BPTF: variants seen among roughly 807,000 people sequenced by gnomAD.
The protein encoded by BPTF is nucleosome-remodeling factor subunit BPTF.
BPTF carries 18 observed loss-of-function variants against 292.5 expected under a neutral mutation model. That is an observed-to-expected ratio of 0.06 (90% CI 0.04 to 0.09). The LOEUF (loss-of-function observed/expected upper bound fraction) is 0.09, where lower values mean the gene tolerates loss of function less well. BPTF is among the 10% of genes least tolerant of loss of function. BPTF has a pLI of 1.00. For synonymous variants in BPTF, 1,225 were observed against 1,251.9 expected (o/e 0.98, Z 0.45); for missense variants, 2,726 against 3,498.7 (o/e 0.78, Z 5.57).
intron 1 of BPTF, among the ~76,000 whole-genome samples, chr17:67,841,270 G>T (rs191254292): frequency 2.7e-4 from 41 of 152,026 alleles, no homozygotes; most frequent in African/African-American, 9.6e-4. Context: ...TTAGCCGGTC[G>T]TGGTGGCACA....
intron 8 of BPTF, among the ~76,000 whole-genome samples, chr17:67,904,209 A>G (rs2062030205): frequency 6.6e-6 from 1 of 151,558 alleles, no homozygotes; most frequent in Non-Finnish European, 1.5e-5. Context: ...TTGTATTTTT[A>G]GTAGAGATGG....
chr17:67,942,512 C>T (rs921521108), intron 19 of BPTF, among the ~76,000 whole-genome samples: 3 of 152,176 alleles, frequency 2.0e-5, no homozygotes, highest in African/African-American at 7.2e-5. Context: ...AAAGAATTCT[C>T]ATGCACAGCT....
At chr17:67,972,553 C>T (rs557257375) in intron 26 of BPTF, among the ~76,000 whole-genome samples, 1 of 152,100 alleles carries the variant, frequency 6.6e-6, no homozygotes, top group East Asian at 1.9e-4. Context: ...TATTTAAGGG[C>T]TATTTATATA....
In BPTF at chr17:67,912,395, T is replaced by C. The variant is rs2062713719; in HGVS notation, c.4511T>C (p.Leu1504Pro). Residue 1504 changes from leucine to proline, a missense_variant, in exon 11 of 28, where the codon CTG becomes CCG. Physicochemically the swap from Leu to Pro is moderately conservative, Grantham distance 98 (BLOSUM62 -3). Around this residue, in one of 22 missense-constraint regions of BPTF, gnomAD observed 713 missense variants for 714.9 expected, o/e 1.00. Coordinates refer to ENST00000306378, the MANE Select transcript of BPTF (RefSeq NM_182641.4). ...EGNYRDSLETLPSTKESDSTQ... is the reference protein window; with the variant it reads ...EGNYRDSLETPPSTKESDSTQ... ...AACTACCGAGATAGCCTTGAGACCC[T>C]GCCATCAACCAAAGAGTCTGACAGT... The C allele has an allele frequency of 6.2e-7, 1 of 1,613,842 alleles. No individual in the cohort carries two copies. The highest frequency in any genetic ancestry group is 1.7e-5 in the Admixed American group (1 of 59,966).
At chr17:67,898,647 C>T (rs1209986901) in intron 7 of BPTF, among the ~76,000 whole-genome samples, 1 of 147,442 alleles carries the variant, frequency 6.8e-6, no homozygotes, top group Non-Finnish European at 1.5e-5. Flanking sequence ...TAGATAAATA[C>T]GAGTATATGA....
At chr17:67,914,152 C>T (rs1303231940) in intron 11 of BPTF, among the ~76,000 whole-genome samples, 1 of 152,090 alleles carries the variant, frequency 6.6e-6, no homozygotes, top group Non-Finnish European at 1.5e-5. Flanking sequence ...GTTACTGAGC[C>T]GTTTTCATTT....
intron 4 of BPTF, chr17:67,875,846 A>G: frequency 9.8e-7 from 1 of 1,023,908 alleles, no homozygotes. Flanking sequence ...GTGTTCATTC[A>G]TGCTGCTTGC....
chr17:67,891,841 CAGT>C lies in BPTF; in HGVS notation c.1865_1867del (p.Val622del), dbSNP rs775405613. 1 of 1,579,032 alleles carries C rather than the reference CAGT, an allele frequency of 6.3e-7. No individual in the cohort carries two copies. The highest frequency in any genetic ancestry group is 8.6e-7 in the Non-Finnish European group (1 of 1,163,118). ...ATTGCTTTGTGGCCTATTCATTTGACAGTAGGTGATTTCAAATCGGAGAAGTCC... is the reference window on the plus strand; with the variant it reads ...ATTGCTTTGTGGCCTATTCATTTGACAGGTGATTTCAAATCGGAGAAGTCC... On this transcript the variant is annotated splice_acceptor_variant and coding_sequence_variant, in exon 5 of 28. Transcript: ENST00000306378. LOFTEE classifies it high-confidence loss of function.
intron 2 of BPTF, among the ~76,000 whole-genome samples, chr17:67,861,948 TA>T (rs1567923745): frequency 6.6e-6 from 1 of 152,254 alleles, no homozygotes; most frequent in East Asian, 1.9e-4. Context: ...TACTACTTTT[TA>T]AAACACCCAT....
intron 27 of BPTF, 143 bp downstream of exon 27, chr17:67,976,101 A>G (rs2069377271): frequency 1.1e-5 from 7 of 619,262 alleles, no homozygotes; most frequent in African/African-American, 1.9e-5. Context: ...TCAAGACTCC[A>G]GGGTTATGAT....
At position 67,854,660 on chromosome 17, in the gene BPTF, G is replaced by C. The variant is rs1283931315; in HGVS notation, c.1334G>C (p.Cys445Ser). ...CACAAGGTGCCTGGTGTGACTGACT[G>C]TGTTGCTGAAATCCAAAAAAATAAA... The part of the protein sequence containing the change: ...VAHKVPGVTD[C>S]VAEIQKNKPY... The change falls in exon 2 of 28, where the codon TGT becomes TCT. Residue 445 changes from cysteine to serine, a missense_variant. By Grantham distance (112) the Cys-to-Ser change is moderately radical. Around this residue, in one of 22 missense-constraint regions of BPTF, gnomAD observed 22 missense variants for 97.3 expected, o/e 0.23. Transcript: ENST00000306378. This position sits in a 1 kb window ranked among gnomAD's most constrained non-coding sequence, Gnocchi z 5.6. 1 of 1,614,224 alleles carries C rather than the reference G, an allele frequency of 6.2e-7. No individual in the cohort carries two copies. The highest frequency in any genetic ancestry group is 8.5e-7 in the Non-Finnish European group (1 of 1,180,040).
At chr17:67,867,107 G>A (rs1466981867) in intron 3 of BPTF, among the ~76,000 whole-genome samples, 1 of 152,210 alleles carries the variant, frequency 6.6e-6, no homozygotes, top group Non-Finnish European at 1.5e-5. Context: ...ATGACTGTGT[G>A]TATATTTTAC....
intron 5 of BPTF, 21 bp from the exon 6 acceptor site, chr17:67,893,349 T>G (rs373636454): frequency 2.1e-6 from 3 of 1,429,394 alleles, no homozygotes; most frequent in Non-Finnish European, 3.0e-6. Flanking sequence ...AATAATGCAG[T>G]CTTTTTATTT....
intron 23 of BPTF, among the ~76,000 whole-genome samples, chr17:67,953,313 A>G (rs1169115833): frequency 7.0e-6 from 1 of 143,130 alleles, no homozygotes; most frequent in South Asian, 2.2e-4. Flanking sequence ...CTGGACTGCA[A>G]TGGCGCGATC....
chr17:67,928,341 C>T lies in BPTF; in HGVS notation c.5752-14C>T, dbSNP rs1157948879. 5 of 1,587,434 alleles carry T rather than the reference C, an allele frequency of 3.1e-6. No individual in the cohort carries two copies. The highest frequency in any genetic ancestry group is 1.8e-5 in the Admixed American group (1 of 54,542). ...ACTATTTTGATTCATGTTTCCTCTC[C>T]TTCACTTTTTTAGAAACGACTGGAG... On this transcript the variant is annotated splice_polypyrimidine_tract_variant and intron_variant, in intron 15 of 27. Coordinates refer to ENST00000306378, the MANE Select transcript of BPTF (RefSeq NM_182641.4).
chr17:67,873,637 C>T (rs2059886026), intron 3 of BPTF, among the ~76,000 whole-genome samples: 1 of 152,128 alleles, frequency 6.6e-6, no homozygotes, highest in South Asian at 2.1e-4. Context: ...CCAGATTTCT[C>T]ACTGTCAGAG....
At chr17:67,937,789 AT>A (rs1811626440) in intron 18 of BPTF, among the ~76,000 whole-genome samples, 1 of 152,146 alleles carries the variant, frequency 6.6e-6, no homozygotes, top group Non-Finnish European at 1.5e-5. Flanking sequence ...ACTGGAACTT[AT>A]CCCTCTTCCT....
At chr17:67,921,654 G>T (rs571570843) in intron 13 of BPTF, among the ~76,000 whole-genome samples, 1 of 152,252 alleles carries the variant, frequency 6.6e-6, no homozygotes, top group South Asian at 2.1e-4. Context: ...AAATTAACTT[G>T]GGAGTTCTTC....
At chr17:67,857,790 T>C (rs1020068501) in intron 2 of BPTF, among the ~76,000 whole-genome samples, 10 of 146,324 alleles carry the variant, frequency 6.8e-5, no homozygotes, top group African/African-American at 2.3e-4. Flanking sequence ...TTCTTTTTTT[T>C]TTTTTTTTTT....
Sources: allele counts gnomAD v4.1 joint callset (sites outside exome capture counted in the v4.1 genomes callset), GRCh38; gene constraint gnomAD v4.1.1; regional missense constraint gnomAD v4.1.1; non-coding constraint Gnocchi (gnomAD v3.1); transcripts MANE v1.5; gene names NCBI Gene and HGNC (gene_info 2026-07-23, HGNC 2026-07-21).